MPP7: variants seen among roughly 807,000 people sequenced by gnomAD.
MPP7 encodes MAGUK p55 scaffold protein 7.
Under a neutral mutation model 76.5 loss-of-function variants are expected in MPP7, and 60 were observed. The ratio of observed to expected loss-of-function variants is 0.78; its 90% CI spans 0.64 to 0.97. The LOEUF is 0.97. Ranked by LOEUF, MPP7 falls within the 50% of genes least tolerant of loss-of-function variation. The pLI, the probability that MPP7 is intolerant of heterozygous loss-of-function variation, is 0.00. For missense variants in MPP7, 641 were observed against 694.0 expected, an observed-to-expected ratio of 0.92 and a Z score of 0.86; for synonymous variants, 237 against 244.5, an observed-to-expected ratio of 0.97 and a Z score of 0.29.
chr10:28,283,870 A>G (rs1172844326), intron 1 of MPP7, among the ~76,000 whole-genome samples: 1 of 152,170 alleles, frequency 6.6e-6, no homozygotes, highest in Non-Finnish European at 1.5e-5. Flanking sequence ...GTCTATTTTG[A>G]TAAGCAGACT....
chr10:28,272,314 C>T (rs936195291), intron 1 of MPP7, among the ~76,000 whole-genome samples: 1 of 152,176 alleles, frequency 6.6e-6, no homozygotes, highest in Non-Finnish European at 1.5e-5. Flanking sequence ...GCTATTTACA[C>T]AGGTGTGTCC....
intron 5 of MPP7, among the ~76,000 whole-genome samples, chr10:28,134,268 A>C (rs1835287419): frequency 6.6e-6 from 1 of 152,140 alleles, no homozygotes; most frequent in African/African-American, 2.4e-5. Context: ...CTTAAAATGA[A>C]TGAGAACGAA....
chr10:28,064,816 T>C (rs542391944), intron 13 of MPP7, among the ~76,000 whole-genome samples: 4 of 152,282 alleles, frequency 2.6e-5, no homozygotes, highest in African/African-American at 9.6e-5. Context: ...GTGCTAGTCT[T>C]TAAAATGAAA....
At chr10:28,290,675 A>G (rs932613261) in intron 1 of MPP7, among the ~76,000 whole-genome samples, 1 of 151,936 alleles carries the variant, frequency 6.6e-6, no homozygotes, top group Non-Finnish European at 1.5e-5. Flanking sequence ...GTTTCATCAC[A>G]TTGGTCAGAC....
intron 6 of MPP7, among the ~76,000 whole-genome samples, chr10:28,127,085 A>G (rs1322007304): frequency 6.6e-6 from 1 of 152,236 alleles, no homozygotes; most frequent in East Asian, 1.9e-4. Flanking sequence ...GCCACAACAT[A>G]CAGCCGTGGT....
chr10:28,057,005 C>T (rs1851583030), intron 15 of MPP7, among the ~76,000 whole-genome samples: 1 of 152,192 alleles, frequency 6.6e-6, no homozygotes, highest in Non-Finnish European at 1.5e-5. Context: ...TCCTCTTTCA[C>T]CCTATCCTTC....
intron 11 of MPP7, among the ~76,000 whole-genome samples, chr10:28,094,984 T>TAC (rs1853494085): frequency 6.6e-6 from 1 of 151,952 alleles, no homozygotes; most frequent in Non-Finnish European, 1.5e-5. Flanking sequence ...GTTTAAAAAA[T>TAC]ACAACAGAAA....
At chr10:28,105,306 G>T (rs909321791) in intron 11 of MPP7, among the ~76,000 whole-genome samples, 1 of 151,762 alleles carries the variant, frequency 6.6e-6, no homozygotes, top group African/African-American at 2.4e-5. Flanking sequence ...AATACTCTTG[G>T]GTTACCTTTA....
chr10:28,171,195 C>T (rs1160041779), intron 3 of MPP7, among the ~76,000 whole-genome samples: 1 of 152,142 alleles, frequency 6.6e-6, no homozygotes, highest in Non-Finnish European at 1.5e-5. Context: ...TTATAGTATA[C>T]TTTGTGGAGG....
At chr10:28,066,420 C>T (rs1851989576) in intron 13 of MPP7, among the ~76,000 whole-genome samples, 2 of 152,156 alleles carry the variant, frequency 1.3e-5, no homozygotes, top group African/African-American at 4.8e-5. Context: ...TACAAATTCA[C>T]AAGTAGTTAC....
chr10:28,281,350 A>G (rs767347068), intron 1 of MPP7, among the ~76,000 whole-genome samples: 1 of 152,042 alleles, frequency 6.6e-6, no homozygotes, highest in Non-Finnish European at 1.5e-5. Flanking sequence ...CGGCCTCCCA[A>G]AGTGCTGGGA....
chr10:28,205,356 C>T (rs189052128), intron 2 of MPP7, among the ~76,000 whole-genome samples: 33 of 152,208 alleles, frequency 2.2e-4, no homozygotes, highest in Non-Finnish European at 3.8e-4. Context: ...TACTCAGTTC[C>T]TAAAGTTCTA....
intron 12 of MPP7, among the ~76,000 whole-genome samples, chr10:28,073,263 T>C (rs1588725628): frequency 6.6e-6 from 1 of 152,284 alleles, no homozygotes; most frequent in East Asian, 1.9e-4. Context: ...ATCAGATCTA[T>C]GCTTCCCCAT....
At chr10:28,095,870 T>C (rs1853544955) in intron 11 of MPP7, among the ~76,000 whole-genome samples, 1 of 152,218 alleles carries the variant, frequency 6.6e-6, no homozygotes, top group South Asian at 2.1e-4. Flanking sequence ...AACATTTTTA[T>C]GGACAGGCTT....
chr10:28,167,529 A>G (rs2133852475), intron 3 of MPP7, among the ~76,000 whole-genome samples: 1 of 152,286 alleles, frequency 6.6e-6, no homozygotes, highest in East Asian at 1.9e-4. Flanking sequence ...TATGTTCACC[A>G]TTTGGGTGAC....
intron 1 of MPP7, among the ~76,000 whole-genome samples, chr10:28,256,077 G>A (rs1839775310): frequency 6.6e-6 from 1 of 152,106 alleles, no homozygotes; most frequent in African/African-American, 2.4e-5. Context: ...GTGCCTACCT[G>A]AGGTCAACAG....
At chr10:28,075,066 G>A (rs1852423516) in intron 12 of MPP7, among the ~76,000 whole-genome samples, 1 of 152,052 alleles carries the variant, frequency 6.6e-6, no homozygotes. Flanking sequence ...GGAAGGTGAA[G>A]GGGGAGTGAG....
intron 2 of MPP7, among the ~76,000 whole-genome samples, chr10:28,222,393 G>A (rs1838539819): frequency 6.6e-6 from 1 of 151,948 alleles, no homozygotes. Flanking sequence ...GCTGAGGCAG[G>A]AGGATCACCT....
chr10:28,073,249 A>G (rs1852320621), intron 12 of MPP7, among the ~76,000 whole-genome samples: 1 of 152,070 alleles, frequency 6.6e-6, no homozygotes, highest in Non-Finnish European at 1.5e-5. Context: ...CATTCTTCAG[A>G]TCTATCAGAT....
Sources: gnomAD v4.1 joint callset for allele counts (sites outside exome capture counted in the v4.1 genomes callset) on GRCh38, gnomAD v4.1.1 for gene constraint, MANE v1.5 for transcripts, NCBI Gene and HGNC (gene_info 2026-07-23, HGNC 2026-07-21) for gene names.